The following PAICS variants were observed in gnomAD, a reference collection of about 807,000 sequenced individuals.
The protein encoded by PAICS is bifunctional phosphoribosylaminoimidazole carboxylase/phosphoribosylaminoimidazole succinocarboxamide synthetase.
Under a neutral mutation model 53.7 loss-of-function variants are expected in PAICS, and 33 were observed. The observed-to-expected ratio is 0.61, with a 90% CI of 0.47 to 0.82. The LOEUF (loss-of-function observed/expected upper bound fraction) is 0.82, where lower values mean the gene tolerates loss of function less well. Ranked by LOEUF, PAICS falls within the 40% of genes least tolerant of loss-of-function variation. The probability of loss-of-function intolerance (pLI) is 0.00; values close to 1 mark genes in which losing one functional copy is unlikely to be tolerated. For synonymous variants in PAICS, 141 were observed against 167.2 expected, an observed-to-expected ratio of 0.84 and a Z score of 1.21; for missense variants, 394 against 494.1, an observed-to-expected ratio of 0.80 and a Z score of 1.92.
the PAICS span, among the ~76,000 whole-genome samples, chr4:56,418,660 C>G: frequency 6.6e-6 from 1 of 151,956 alleles, no homozygotes; most frequent in Admixed American, 6.6e-5. Flanking sequence ...AATTTGAAAC[C>G]CTGTCTCAAA....
At chr4:56,427,465 A>G in the PAICS span, among the ~76,000 whole-genome samples, 2 of 152,130 alleles carry the variant, frequency 1.3e-5, no homozygotes, top group Non-Finnish European at 2.9e-5. Flanking sequence ...TTCTATCACC[A>G]TCTTTTAAAA....
intron 5 of PAICS, among the ~76,000 whole-genome samples, chr4:56,449,451 C>T (rs1718786184): frequency 6.6e-6 from 1 of 152,154 alleles, no homozygotes; most frequent in Non-Finnish European, 1.5e-5. Flanking sequence ...TTGTGGAAGA[C>T]AGTGTGGTGA....
At chr4:56,417,574 A>C in the PAICS span, among the ~76,000 whole-genome samples, 1 of 152,168 alleles carries the variant, frequency 6.6e-6, no homozygotes, top group Non-Finnish European at 1.5e-5. Context: ...TGAGACCAGG[A>C]GTTCGAGACT....
At chr4:56,430,080 G>A in the PAICS span, among the ~76,000 whole-genome samples, 3 of 152,172 alleles carry the variant, frequency 2.0e-5, no homozygotes, top group African/African-American at 2.4e-5. Flanking sequence ...GGGCAACATA[G>A]TGAAACCCCC....
chr4:56,453,021 C>G (rs1221583783), intron 7 of PAICS, among the ~76,000 whole-genome samples: 1 of 152,030 alleles, frequency 6.6e-6, no homozygotes, highest in African/African-American at 2.4e-5. Flanking sequence ...ATTTTGGATT[C>G]TAGGTTAACA....
At chr4:56,437,389 G>C (rs1200975579) in intron 1 of PAICS, among the ~76,000 whole-genome samples, 1 of 151,542 alleles carries the variant, frequency 6.6e-6, no homozygotes, top group African/African-American at 2.4e-5. Flanking sequence ...GATTGTTCTT[G>C]CTATTTATGC....
At chr4:56,417,662 T>C in the PAICS span, among the ~76,000 whole-genome samples, 2 of 152,014 alleles carry the variant, frequency 1.3e-5, no homozygotes, top group African/African-American at 4.8e-5. Flanking sequence ...GGCTCATGCC[T>C]GTAGTCCCAG....
intron 1 of PAICS, 69 bp downstream of exon 1, chr4:56,436,397 C>A (rs1717962803): frequency 8.1e-7 from 1 of 1,238,724 alleles, no homozygotes; most frequent in Non-Finnish European, 1.2e-6. Context: ...CGGCCACGTG[C>A]GAGCCGCGAA....
upstream of PAICS, among the ~76,000 whole-genome samples, chr4:56,433,859 T>C (rs1717744738): frequency 6.6e-6 from 1 of 152,182 alleles, no homozygotes; most frequent in African/African-American, 2.4e-5. Context: ...CACACCCAGC[T>C]AATTGTATTT....
chr4:56,457,505 GCTT>G (rs763131887), intron 8 of PAICS, among the ~76,000 whole-genome samples: 34 of 152,194 alleles, frequency 2.2e-4, no homozygotes, highest in Non-Finnish European at 3.8e-4. Context: ...TGAGGACCTA[GCTT>G]CTTCTTAGAC....
intron 1 of PAICS, among the ~76,000 whole-genome samples, chr4:56,438,402 T>TATATATATAA (rs1488140962): frequency 5.9e-4 from 78 of 132,134 alleles, no homozygotes; most frequent in Admixed American, 6.7e-4. Context: ...TATATATATA[T>TATATATATAA]AAAAGGTTTT....
At chr4:56,437,379 G>C (rs1053186120) in intron 1 of PAICS, among the ~76,000 whole-genome samples, 1 of 151,694 alleles carries the variant, frequency 6.6e-6, no homozygotes. Flanking sequence ...TATCAGGAAA[G>C]ATTGTTCTTG....
chr4:56,458,406 G>T (rs1719333647), intron 8 of PAICS, among the ~76,000 whole-genome samples: 1 of 151,932 alleles, frequency 6.6e-6, no homozygotes, highest in African/African-American at 2.4e-5. Context: ...AATAGTGGTT[G>T]ACATTCTTGG....
chr4:56,463,794 CAACTT>C lies in PAICS; in HGVS notation c.*4257_*4261del, dbSNP rs1719593641. ...ATACTGATGAGATGGCTAATTCTGT[CAACTT>C]GACTAGGCTACGGGATGCCTTGATA... On this transcript the variant is annotated 3_prime_UTR_variant, in exon 9 of 9. Transcript: ENST00000512576. 1 of 151,776 alleles carries C rather than the reference CAACTT, an allele frequency of 6.6e-6. No individual in the cohort carries two copies. The highest frequency in any genetic ancestry group is 6.6e-5 in the Admixed American group (1 of 15,236). The allele number at this position is 151,776 out of a possible 1,614,324, so 9.4% of individuals were successfully genotyped here. A position where few individuals can be genotyped will look rare whatever the true frequency, so the allele number is the denominator to read the frequency against.
intron 1 of PAICS, among the ~76,000 whole-genome samples, chr4:56,439,955 C>T (rs1718253160): frequency 6.6e-6 from 1 of 152,208 alleles, no homozygotes; most frequent in Non-Finnish European, 1.5e-5. Context: ...ACTGCAACAG[C>T]ATCCTAACTG....
chr4:56,429,047 A>G, the PAICS span: 1 of 575,912 alleles, frequency 1.7e-6, no homozygotes, highest in Non-Finnish European at 2.2e-6. Context: ...CACAGTGGAA[A>G]CAACTTGTTG....
At chr4:56,447,405 GAT>G (rs1474011762) in intron 3 of PAICS, among the ~76,000 whole-genome samples, 1 of 152,042 alleles carries the variant, frequency 6.6e-6, no homozygotes, top group Non-Finnish European at 1.5e-5. Flanking sequence ...AATTTATAAA[GAT>G]ATTGTCATGT....
In PAICS at chr4:56,457,735, C is replaced by T. The variant is rs929193829; in HGVS notation, c.1112-1637C>T. ...GGCTAGAATGCAATGGCGCAACCTC[C>T]GCCTCCCAGGTTCAAGCGATTCTCC... is the stretch of plus-strand genomic sequence containing the variant. On this transcript the variant is annotated intron_variant, in intron 8 of 8. Transcript: ENST00000512576. 1.1e-4 allele frequency among the ~76,000 whole-genome samples: 17 copies of T among 150,968 alleles called. No individual in the cohort carries two copies. The East Asian group carries it at 1.4e-3, about 12-fold the overall frequency.
the PAICS span, among the ~76,000 whole-genome samples, chr4:56,429,322 T>C: frequency 1.3e-5 from 2 of 152,170 alleles, no homozygotes; most frequent in Non-Finnish European, 2.9e-5. Flanking sequence ...TACTTTACAG[T>C]GATTGTTGCA....
Sources: gnomAD v4.1 joint callset for allele counts (sites outside exome capture counted in the v4.1 genomes callset) on GRCh38, gnomAD v4.1.1 for gene constraint, MANE v1.5 for transcripts, NCBI Gene and HGNC (gene_info 2026-07-23, HGNC 2026-07-21) for gene names.